The following CTNND2 variants were observed in gnomAD, a reference collection of about 807,000 sequenced individuals.
The protein encoded by CTNND2 is catenin delta-2.
A neutral mutation model predicts 144.4 loss-of-function variants in CTNND2; 22 were observed. The ratio of observed to expected loss-of-function variants is 0.15; its 90% CI spans 0.11 to 0.22. CTNND2 has a LOEUF of 0.22. CTNND2 is among the 10% of genes least tolerant of loss of function. CTNND2 has a pLI of 1.00. For missense variants in CTNND2, 1,353 were observed against 1,618.8 expected (o/e 0.84, Z 2.82); for synonymous variants, 751 against 695.6 (o/e 1.08, Z -1.25).
At chr5:11,857,655 G>A (rs900433326) in intron 1 of CTNND2, among the ~76,000 whole-genome samples, 11 of 152,050 alleles carry the variant, frequency 7.2e-5, no homozygotes, top group African/African-American at 2.7e-4. Context: ...ATTAAGTACG[G>A]GTTAACCTAG....
chr5:11,526,227 T>A (rs1773235161), intron 3 of CTNND2, among the ~76,000 whole-genome samples: 1 of 152,272 alleles, frequency 6.6e-6, no homozygotes, highest in South Asian at 2.1e-4. Context: ...TATTAAACTT[T>A]CCTAAATGTA....
At chr5:11,716,199 G>A (rs1786341433) in intron 2 of CTNND2, among the ~76,000 whole-genome samples, 1 of 152,098 alleles carries the variant, frequency 6.6e-6, no homozygotes, top group African/African-American at 2.4e-5. Flanking sequence ...CTTTATACCA[G>A]GTCTGATGTG....
chr5:11,352,589 T>C (rs978870297), intron 8 of CTNND2, among the ~76,000 whole-genome samples: 3 of 152,168 alleles, frequency 2.0e-5, no homozygotes, highest in African/African-American at 7.2e-5. Flanking sequence ...AGATATAAGG[T>C]ACTACGGTCA....
chr5:11,517,876 A>G (rs1309708874), intron 3 of CTNND2, among the ~76,000 whole-genome samples: 1 of 152,228 alleles, frequency 6.6e-6, no homozygotes, highest in African/African-American at 2.4e-5. Context: ...GAAGTACACG[A>G]TGCAGTATTA....
chr5:11,304,666 T>C (rs532680029), intron 9 of CTNND2, among the ~76,000 whole-genome samples: 2 of 152,338 alleles, frequency 1.3e-5, no homozygotes, highest in South Asian at 2.1e-4. Context: ...ACTCTCAGTC[T>C]AGCCACGTGG....
At chr5:11,172,272 A>C (rs772268081) in intron 11 of CTNND2, among the ~76,000 whole-genome samples, 3 of 152,086 alleles carry the variant, frequency 2.0e-5, no homozygotes, top group Admixed American at 6.5e-5. Context: ...ACTTTAACTG[A>C]CTTCACCAAC....
intron 6 of CTNND2, among the ~76,000 whole-genome samples, chr5:11,394,313 G>T (rs1418134270): frequency 6.6e-6 from 1 of 152,170 alleles, no homozygotes; most frequent in Admixed American, 6.5e-5. Flanking sequence ...CAAGCACATG[G>T]GCTCATGGCA....
chr5:11,838,818 T>C (rs1312891930), intron 1 of CTNND2, among the ~76,000 whole-genome samples: 1 of 152,226 alleles, frequency 6.6e-6, no homozygotes, highest in East Asian at 1.9e-4. Flanking sequence ...TTTGTCAGCA[T>C]CTTTTCTTCC....
intron 2 of CTNND2, among the ~76,000 whole-genome samples, chr5:11,685,686 C>T (rs1189289464): frequency 6.6e-6 from 1 of 152,180 alleles, no homozygotes; most frequent in Non-Finnish European, 1.5e-5. Flanking sequence ...CATTCAGATG[C>T]TAACCCAATC....
chr5:11,667,382 AAC>A (rs1265333378), intron 2 of CTNND2, among the ~76,000 whole-genome samples: 1 of 152,200 alleles, frequency 6.6e-6, no homozygotes, highest in Non-Finnish European at 1.5e-5. Flanking sequence ...CACTCCCAAC[AAC>A]AGTGTAAAAG....
At chr5:11,619,822 TG>T (rs1237399210) in intron 2 of CTNND2, among the ~76,000 whole-genome samples, 10 of 152,212 alleles carry the variant, frequency 6.6e-5, no homozygotes, top group African/African-American at 2.4e-4. Context: ...CATTAACTAC[TG>T]GTGCCATCTG....
chr5:11,643,940 A>G (rs1782208004), intron 2 of CTNND2, among the ~76,000 whole-genome samples: 1 of 152,274 alleles, frequency 6.6e-6, no homozygotes, highest in South Asian at 2.1e-4. Context: ...CATATTTATT[A>G]ATGAAAATAA....
chr5:11,097,502 C>T (rs954650758), intron 15 of CTNND2, among the ~76,000 whole-genome samples: 1 of 152,102 alleles, frequency 6.6e-6, no homozygotes, highest in East Asian at 1.9e-4. Flanking sequence ...ATTGTCAGGG[C>T]CTGGCACCCA....
chr5:11,343,264 A>C (rs1754446391), intron 9 of CTNND2, among the ~76,000 whole-genome samples: 1 of 152,208 alleles, frequency 6.6e-6, no homozygotes, highest in African/African-American at 2.4e-5. Context: ...GATGAAGTGG[A>C]ACTGCCATGA....
At chr5:11,640,570 G>A (rs1051083012) in intron 2 of CTNND2, among the ~76,000 whole-genome samples, 2 of 152,142 alleles carry the variant, frequency 1.3e-5, no homozygotes, top group African/African-American at 4.8e-5. Flanking sequence ...AAGACAACGG[G>A]ACTGGTGTCA....
intron 9 of CTNND2, among the ~76,000 whole-genome samples, chr5:11,262,902 G>GC (rs1357803953): frequency 6.6e-6 from 1 of 151,576 alleles, no homozygotes; most frequent in Non-Finnish European, 1.5e-5. Context: ...AACAACATAG[G>GC]CTTTTAGAAA....
chr5:11,761,834 C>T (rs1239173544), intron 1 of CTNND2, among the ~76,000 whole-genome samples: 1 of 151,906 alleles, frequency 6.6e-6, no homozygotes, highest in Non-Finnish European at 1.5e-5. Flanking sequence ...ATATTGGTAA[C>T]CAAGAAAACT....
At chr5:11,706,206 C>G (rs562448086) in intron 2 of CTNND2, among the ~76,000 whole-genome samples, 2 of 152,310 alleles carry the variant, frequency 1.3e-5, no homozygotes, top group South Asian at 4.1e-4. Context: ...GTGTGAGGTT[C>G]TGAGGAGGGG....
At chr5:10,990,856 G>C (rs760666974) in intron 19 of CTNND2, among the ~76,000 whole-genome samples, 6 of 152,172 alleles carry the variant, frequency 3.9e-5, no homozygotes, top group Non-Finnish European at 8.8e-5. Flanking sequence ...GCCTGCTCGC[G>C]AGAAAAGGCT....
Sources: allele counts gnomAD v4.1 joint callset (sites outside exome capture counted in the v4.1 genomes callset), GRCh38; gene constraint gnomAD v4.1.1; transcripts MANE v1.5; gene names NCBI Gene and HGNC (gene_info 2026-07-23, HGNC 2026-07-21).